Variants in SH3BGRL2 observed in about 807,000 individuals in gnomAD.
SH3BGRL2 encodes SH3 domain-binding glutamic acid-rich-like protein 2.
A neutral mutation model predicts 14.8 loss-of-function variants in SH3BGRL2; 21 were observed. The ratio of observed to expected loss-of-function variants is 1.42; its 90% confidence interval spans 1.01 to 2.05. SH3BGRL2 has a LOEUF of 2.05. SH3BGRL2 is among the 30% of genes most tolerant of loss of function. The pLI is 0.00. For missense variants in SH3BGRL2, 147 were observed against 130.8 expected, an observed-to-expected ratio of 1.12 and a Z score of -0.61; for synonymous variants, 50 against 47.8, an observed-to-expected ratio of 1.05 and a Z score of -0.19.
At chr6:79,550,754 A>T in the SH3BGRL2 span, among the ~76,000 whole-genome samples, 1 of 152,136 alleles carries the variant, frequency 6.6e-6, no homozygotes, top group African/African-American at 2.4e-5. Flanking sequence ...GCCTTTGCAC[A>T]GCAGCCTTGG....
At chr6:79,594,754 G>T in the SH3BGRL2 span, among the ~76,000 whole-genome samples, 1 of 152,086 alleles carries the variant, frequency 6.6e-6, no homozygotes, top group Non-Finnish European at 1.5e-5. Flanking sequence ...TACATTAATC[G>T]TGTCCAAAAC....
the SH3BGRL2 span, among the ~76,000 whole-genome samples, chr6:79,585,248 C>CTT: frequency 1.3e-5 from 2 of 151,866 alleles, no homozygotes; most frequent in Non-Finnish European, 2.9e-5. Flanking sequence ...AAGCCTATAG[C>CTT]CTTCTTTCTT....
chr6:79,631,338 C>A lies in SH3BGRL2; in HGVS notation c.-124C>A. 1.2e-6 allele frequency: 1 copy of A among 854,716 alleles called. No individual in the cohort carries two copies. Among genetic ancestry groups the A allele is most frequent in the Non-Finnish European group, 1.6e-6 (1 of 611,784 alleles). The allele number at this position is 854,716 out of a possible 1,614,324, so 52.9% of individuals were successfully genotyped here. On this transcript the variant is annotated 5_prime_UTR_variant, in exon 1 of 4. Transcript: ENST00000369838. ...CCGCCGGGAGGGAGCCAGATCCCAG[C>A]GATCTTCCCCGACGGCAGCGCTTTA... is the stretch of plus-strand genomic sequence containing the variant.
the SH3BGRL2 span, among the ~76,000 whole-genome samples, chr6:79,555,596 C>T: frequency 2.0e-5 from 3 of 152,100 alleles, no homozygotes; most frequent in Non-Finnish European, 4.4e-5. Flanking sequence ...CTGAAACCTC[C>T]GCCTCCCGGG....
At chr6:79,684,189 A>G (rs1770048240) in intron 2 of SH3BGRL2, among the ~76,000 whole-genome samples, 1 of 152,186 alleles carries the variant, frequency 6.6e-6, no homozygotes, top group African/African-American at 2.4e-5. Flanking sequence ...CTTACCTCAT[A>G]TACCCAGTTG....
chr6:79,559,086 C>T, the SH3BGRL2 span, among the ~76,000 whole-genome samples: 1 of 152,092 alleles, frequency 6.6e-6, no homozygotes, highest in East Asian at 1.9e-4. Context: ...CTCATTCATT[C>T]CAGGTGTTCT....
At chr6:79,659,693 G>A (rs1229667660) in intron 1 of SH3BGRL2, among the ~76,000 whole-genome samples, 4 of 152,180 alleles carry the variant, frequency 2.6e-5, no homozygotes, top group Non-Finnish European at 5.9e-5. Context: ...TTGGTAGCTT[G>A]ATGGGGATAG....
chr6:79,636,766 C>G (rs918053408), intron 1 of SH3BGRL2, among the ~76,000 whole-genome samples: 1 of 152,016 alleles, frequency 6.6e-6, no homozygotes, highest in Admixed American at 6.5e-5. Context: ...GATGTATCAC[C>G]CTCATCTCTG....
chr6:79,559,558 T>C, the SH3BGRL2 span, among the ~76,000 whole-genome samples: 33 of 152,182 alleles, frequency 2.2e-4, no homozygotes, highest in East Asian at 4.6e-3. Flanking sequence ...TAAAGAGACA[T>C]GACAATTAAA....
chr6:79,644,709 A>G (rs1208896028), intron 1 of SH3BGRL2, among the ~76,000 whole-genome samples: 1 of 152,086 alleles, frequency 6.6e-6, no homozygotes, highest in African/African-American at 2.4e-5. Context: ...CAGAAAATCT[A>G]CTTGTAAAGT....
At chr6:79,617,903 C>T in the SH3BGRL2 span, among the ~76,000 whole-genome samples, 1 of 152,220 alleles carries the variant, frequency 6.6e-6, no homozygotes, top group South Asian at 2.1e-4. Flanking sequence ...TGATGACACA[C>T]AGGTCCTTCC....
the SH3BGRL2 span, among the ~76,000 whole-genome samples, chr6:79,605,370 T>A: frequency 6.6e-6 from 1 of 152,178 alleles, no homozygotes; most frequent in Admixed American, 6.5e-5. Context: ...GGAAAAAAAA[T>A]TATTGAACTA....
intron 1 of SH3BGRL2, among the ~76,000 whole-genome samples, chr6:79,667,674 T>G (rs1390498799): frequency 6.6e-6 from 1 of 152,188 alleles, no homozygotes; most frequent in Admixed American, 6.5e-5. Context: ...CTCGAACTCC[T>G]GACCTCAGGT....
chr6:79,629,562 C>T (rs1768785994), upstream of SH3BGRL2, among the ~76,000 whole-genome samples: 1 of 152,216 alleles, frequency 6.6e-6, no homozygotes, highest in Non-Finnish European at 1.5e-5. Context: ...GCATTGTCCT[C>T]TACTAGTTCC....
At chr6:79,655,269 A>G (rs556586741) in intron 1 of SH3BGRL2, among the ~76,000 whole-genome samples, 1 of 152,276 alleles carries the variant, frequency 6.6e-6, no homozygotes, top group African/African-American at 2.4e-5. Context: ...GTTTTGATAC[A>G]GGAAGGTTCG....
At chr6:79,587,363 C>T in the SH3BGRL2 span, among the ~76,000 whole-genome samples, 14,330 of 151,932 alleles carry the variant, frequency 0.094, 821 homozygotes, top group Non-Finnish European at 0.13. Flanking sequence ...GAATGACAGT[C>T]CTGAAGCTGT....
chr6:79,618,914 C>CAA, the SH3BGRL2 span, among the ~76,000 whole-genome samples: 12 of 76,276 alleles, frequency 1.6e-4, 3 homozygotes, highest in African/African-American at 6.1e-4. Flanking sequence ...GAGACTCTGT[C>CAA]AAAAAAAAAA....
chr6:79,550,850 C>G, the SH3BGRL2 span, among the ~76,000 whole-genome samples: 3 of 152,114 alleles, frequency 2.0e-5, no homozygotes, highest in East Asian at 5.8e-4. Context: ...CCCAGCAAAC[C>G]TGTCTCATTT....
chr6:79,623,048 G>A, the SH3BGRL2 span, among the ~76,000 whole-genome samples: 5 of 152,192 alleles, frequency 3.3e-5, no homozygotes, highest in Admixed American at 3.3e-4. Context: ...GCTCACGCCT[G>A]TAATCCCAGC....
Sources: allele counts gnomAD v4.1 joint callset (sites outside exome capture counted in the v4.1 genomes callset), GRCh38; gene constraint gnomAD v4.1.1; transcripts MANE v1.5; gene names NCBI Gene and HGNC (gene_info 2026-07-23, HGNC 2026-07-21).